Variants in FER observed in about 807,000 individuals in gnomAD.
The protein encoded by FER is tyrosine-protein kinase Fer.
FER carries 63 observed loss-of-function variants against 111.0 expected under a neutral mutation model. The observed-to-expected ratio is 0.57, with a 90% CI of 0.46 to 0.70. The LOEUF is 0.70. Ranked by LOEUF, FER falls within the 30% of genes least tolerant of loss-of-function variation. The probability of loss-of-function intolerance (pLI) is 0.00; values close to 1 mark genes in which losing one functional copy is unlikely to be tolerated. For synonymous variants in FER, 327 were observed against 313.9 expected (o/e 1.04, Z -0.44); for missense variants, 914 against 954.0 (o/e 0.96, Z 0.55).
At chr5:108,952,725 C>T (rs964977826) in intron 11 of FER, among the ~76,000 whole-genome samples, 6 of 152,028 alleles carry the variant, frequency 3.9e-5, no homozygotes, top group South Asian at 4.2e-4. Flanking sequence ...ACATATTCTT[C>T]GTCATATGTT....
In FER at chr5:108,986,281, GT is replaced by G. The variant is rs1030498874; in HGVS notation, c.1656+26941del. Among the ~76,000 whole-genome samples the G allele has an allele frequency of 2.7e-5, 4 of 146,024 alleles. No individual in the cohort carries two copies. In the East Asian group the frequency reaches 7.9e-4, roughly 29 times the overall value. ...ATGTCGTTAGCCCACTTTTTGCTGG[GT>G]TTTTTTCTTCTCTTTTTTTTTTTTC... On this transcript the variant is annotated intron_variant, in intron 13 of 19. Coordinates refer to ENST00000281092, the MANE Select transcript of FER (RefSeq NM_005246.4).
intron 17 of FER, among the ~76,000 whole-genome samples, chr5:109,174,530 G>GTT (rs1470485997): frequency 6.6e-6 from 1 of 152,104 alleles, no homozygotes; most frequent in Non-Finnish European, 1.5e-5. Flanking sequence ...ACAGTTTATG[G>GTT]TTCCACTTCT....
chr5:109,172,653 AAAT>A (rs1757265220), intron 17 of FER, among the ~76,000 whole-genome samples: 4 of 151,964 alleles, frequency 2.6e-5, no homozygotes, highest in African/African-American at 9.7e-5. Flanking sequence ...AAAAAGAAAA[AAAT>A]TTTTTATATG....
intron 17 of FER, among the ~76,000 whole-genome samples, chr5:109,174,151 G>T (rs1444049140): frequency 6.6e-6 from 1 of 152,164 alleles, no homozygotes; most frequent in South Asian, 2.1e-4. Flanking sequence ...CCAGAGAGAG[G>T]TATGAAGTGC....
intron 2 of FER, among the ~76,000 whole-genome samples, chr5:108,776,684 A>G (rs1753533862): frequency 1.3e-5 from 2 of 152,154 alleles, no homozygotes; most frequent in Admixed American, 1.3e-4. Flanking sequence ...ATTTTATGTA[A>G]ATTAAACTTC....
intron 18 of FER, among the ~76,000 whole-genome samples, chr5:109,185,667 T>TTAAAC (rs1466597075): frequency 1.3e-5 from 2 of 152,138 alleles, no homozygotes; most frequent in East Asian, 3.8e-4. Flanking sequence ...GCTAGTTTGA[T>TTAAAC]TAAACTAGCA....
At chr5:108,942,303 A>C (rs954555853) in intron 10 of FER, among the ~76,000 whole-genome samples, 8 of 152,160 alleles carry the variant, frequency 5.3e-5, no homozygotes, top group African/African-American at 1.7e-4. Flanking sequence ...ACCGAACTCT[A>C]TTCTGTTTTA....
At chr5:108,998,243 C>T (rs1764264467) in intron 13 of FER, among the ~76,000 whole-genome samples, 1 of 151,744 alleles carries the variant, frequency 6.6e-6, no homozygotes, top group Non-Finnish European at 1.5e-5. Flanking sequence ...AACGGCCGCC[C>T]AGTCTTGTGG....
intron 17 of FER, among the ~76,000 whole-genome samples, chr5:109,161,075 G>C (rs1755942868): frequency 6.6e-6 from 1 of 152,126 alleles, no homozygotes; most frequent in Admixed American, 6.6e-5. Context: ...TCAAGAGAAA[G>C]TAATGTGTAA....
chr5:109,145,075 T>C (rs931249830), intron 17 of FER, among the ~76,000 whole-genome samples: 1 of 151,854 alleles, frequency 6.6e-6, no homozygotes, highest in African/African-American at 2.4e-5. Context: ...TTTATTGTTA[T>C]GTTTCAAATT....
chr5:108,988,048 T>G (rs1762771527), intron 13 of FER, among the ~76,000 whole-genome samples: 1 of 152,156 alleles, frequency 6.6e-6, no homozygotes, highest in Non-Finnish European at 1.5e-5. Context: ...TTTCTTGAGA[T>G]GATGTGATTT....
intron 2 of FER, among the ~76,000 whole-genome samples, chr5:108,770,432 A>G (rs1009458987): frequency 9.2e-5 from 14 of 152,190 alleles, no homozygotes; most frequent in African/African-American, 3.4e-4. Context: ...TGTTAATTCA[A>G]AGTTCTAATA....
chr5:109,088,791 C>A (rs1777841444), intron 16 of FER, among the ~76,000 whole-genome samples: 1 of 152,046 alleles, frequency 6.6e-6, no homozygotes, highest in South Asian at 2.1e-4. Flanking sequence ...TTGAGTCAGC[C>A]AGTATCATTC....
At chr5:108,846,193 G>T (rs13358531) in intron 5 of FER, among the ~76,000 whole-genome samples, 33,812 of 151,872 alleles carry the variant, frequency 0.22, 3,900 homozygotes, top group African/African-American at 0.28. Flanking sequence ...GGTAGACTTT[G>T]CTTGTGAAAC....
At chr5:108,886,795 A>G (rs534210666) in intron 9 of FER, among the ~76,000 whole-genome samples, 2 of 151,872 alleles carry the variant, frequency 1.3e-5, no homozygotes, top group East Asian at 1.9e-4. Context: ...GAGTCAAGGT[A>G]TAATCTTGAA....
intron 2 of FER, among the ~76,000 whole-genome samples, chr5:108,789,912 G>A (rs1003125929): frequency 6.6e-6 from 1 of 152,082 alleles, no homozygotes; most frequent in African/African-American, 2.4e-5. Context: ...CCACCAGCAG[G>A]AATTTTTGAT....
At chr5:108,905,338 A>G (rs552146610) in intron 10 of FER, among the ~76,000 whole-genome samples, 45 of 152,280 alleles carry the variant, frequency 3.0e-4, no homozygotes, top group African/African-American at 1.0e-3. Context: ...TGGAAAAACT[A>G]TATGTATATA....
At chr5:108,782,367 C>G (rs1183264619) in intron 2 of FER, among the ~76,000 whole-genome samples, 22 of 152,010 alleles carry the variant, frequency 1.4e-4, no homozygotes, top group Non-Finnish European at 2.9e-5. Flanking sequence ...TGATCCTCCC[C>G]CTTCAACCTC....
intron 10 of FER, among the ~76,000 whole-genome samples, chr5:108,908,668 CCGAGATGGCGCCA>C (rs1281744731): frequency 6.6e-6 from 1 of 151,556 alleles, no homozygotes; most frequent in Non-Finnish European, 1.5e-5. Flanking sequence ...TTGCAGTGAG[CCGAGATGGCGCCA>C]TTGCACTCTA....
Sources: allele counts gnomAD v4.1 joint callset (sites outside exome capture counted in the v4.1 genomes callset), GRCh38; gene constraint gnomAD v4.1.1; transcripts MANE v1.5; gene names NCBI Gene and HGNC (gene_info 2026-07-23, HGNC 2026-07-21).